MAPKAPK5: variants seen among roughly 807,000 people sequenced by gnomAD.
MAPKAPK5 encodes MAPK activated protein kinase 5, also known as MAP kinase-activated protein kinase 5.
Under a neutral mutation model 65.1 loss-of-function variants are expected in MAPKAPK5, and 30 were observed. The observed-to-expected ratio is 0.46, with a 90% confidence interval of 0.34 to 0.63. The LOEUF is 0.63. Among genes scored for constraint, MAPKAPK5 ranks in the 20% least tolerant of loss-of-function variants. The pLI is 0.01. For synonymous variants in MAPKAPK5, 179 were observed against 204.6 expected (o/e 0.87, Z 1.07); for missense variants, 433 against 581.4 (o/e 0.74, Z 2.63).
At position 111,872,647 on chromosome 12, in the gene MAPKAPK5, G is replaced by A. The variant is rs975944861; in HGVS notation, c.579+1467G>A. Among the ~76,000 whole-genome samples, 4 of 152,138 alleles carry A rather than the reference G, an allele frequency of 2.6e-5. No homozygotes were observed. In the East Asian group the frequency reaches 7.7e-4, roughly 29 times the overall value. On this transcript the variant is annotated intron_variant, in intron 7 of 13. Transcript: ENST00000550735. ...AATGGTACTCAGTGCTATAATCAAG[G>A]TGTCAGCAGGGCTGTGTTCCTTCTG...
chr12:111,842,826 C>G (rs1343960770), intron 1 of MAPKAPK5, 57 bp downstream of exon 1: 3 of 1,272,534 alleles, frequency 2.4e-6, no homozygotes, highest in Admixed American at 7.4e-5. Flanking sequence ...CTTCTCGGCT[C>G]TAGCCTCAAA....
intron 2 of MAPKAPK5, among the ~76,000 whole-genome samples, chr12:111,865,858 AG>A (rs1308277064): frequency 6.9e-5 from 10 of 145,394 alleles, no homozygotes; most frequent in African/African-American, 2.3e-4. Context: ...AAAAAAAAAA[AG>A]GGTGTCGAGA....
chr12:111,880,523 A>G lies in MAPKAPK5; in HGVS notation c.656A>G (p.Asn219Ser). 1 of 1,613,686 alleles carries G rather than the reference A, an allele frequency of 6.2e-7. No homozygotes were observed. The highest frequency in any genetic ancestry group is 8.5e-7 in the Non-Finnish European group (1 of 1,179,636). ...ACCTCACCGACGCCCTACACTTACA[A>G]CAAGGTACAGGAAGAGATATTTCTC... ...IPTSPTPYTYNKSCDLWSLGV... is the reference protein window; with the variant it reads ...IPTSPTPYTYSKSCDLWSLGV... Residue 219 changes from asparagine (N) to serine (S), a missense_variant, in exon 8 of 14, where the codon AAC becomes AGC. Physicochemically the swap from Asn to Ser is conservative, Grantham distance 46. Around this residue, in one of 3 missense-constraint regions of MAPKAPK5, gnomAD observed 99 missense variants for 185.8 expected, o/e 0.53. Transcript: ENST00000550735.
At chr12:111,865,726 C>T (rs1566244243) in intron 2 of MAPKAPK5, among the ~76,000 whole-genome samples, 1 of 150,062 alleles carries the variant, frequency 6.7e-6, no homozygotes, top group Non-Finnish European at 1.5e-5. Flanking sequence ...ATCCCAGCTA[C>T]TCGGGAGGCT....
At position 111,900,820 on chromosome 12, in the gene MAPKAPK5, G is replaced by A. The variant is rs1459241875; in HGVS notation, c.*7759G>A. On this transcript the variant is annotated 3_prime_UTR_variant, in exon 14 of 14. Coordinates refer to ENST00000550735, the MANE Select transcript of MAPKAPK5 (RefSeq NM_003668.4). ...CCCAACAACAGGCATAAGCAAGATG[G>A]CTCAAAATGTCATACAATTTACGAG... 11 of 455,946 alleles carry A rather than the reference G, an allele frequency of 2.4e-5. No homozygotes were observed. In the East Asian group the frequency reaches 6.9e-4, roughly 29 times the overall value. The allele number at this position is 455,946 out of a possible 1,614,324, so 28.2% of individuals were successfully genotyped here.
rs2071023961 is a variant in MAPKAPK5 at position 111,900,888 on chromosome 12, C to T, written c.*7827C>T. On this transcript the variant is annotated 3_prime_UTR_variant, in exon 14 of 14. Coordinates refer to ENST00000550735, the MANE Select transcript of MAPKAPK5 (RefSeq NM_003668.4). Reference sequence around the variant, plus strand: ...TATGGACCCTAATAATCAGTGCTTACAATTATATGGATATGGTGCAAAATC... The same window carrying T: ...TATGGACCCTAATAATCAGTGCTTATAATTATATGGATATGGTGCAAAATC... The T allele has an allele frequency of 2.2e-6, 1 of 455,910 alleles. No homozygotes were observed. The highest frequency in any genetic ancestry group is 4.4e-6 in the Non-Finnish European group (1 of 226,796). 28.2% of individuals were successfully genotyped at this position (455,910 alleles called of 1,614,324 possible). A position where few individuals can be genotyped will look rare whatever the true frequency, so the allele number is the denominator to read the frequency against.
intron 3 of MAPKAPK5, among the ~76,000 whole-genome samples, chr12:111,866,635 G>A (rs2069623024): frequency 6.6e-6 from 1 of 152,250 alleles, no homozygotes. Flanking sequence ...TTGAGACAGA[G>A]TTTCACTCTT....
Position 111,893,193 on chromosome 12 carries a change from C to A in MAPKAPK5, c.*132C>A, listed in dbSNP as rs2070686397. 8.4e-6 allele frequency: 5 copies of A among 598,438 alleles called. No individual in the cohort carries two copies. In the South Asian group the frequency reaches 9.5e-5, roughly 11 times the overall value. 37.1% of individuals were successfully genotyped at this position (598,438 alleles called of 1,614,324 possible). A position where few individuals can be genotyped will look rare whatever the true frequency, so the allele number is the denominator to read the frequency against. On this transcript the variant is annotated 3_prime_UTR_variant, in exon 14 of 14. Transcript: ENST00000550735. ...AAAGCTGCTGTATAGATTTAGGGTGCAGGACTTAATAATAGTATAGTTATT... is the reference window on the plus strand; with the variant it reads ...AAAGCTGCTGTATAGATTTAGGGTGAAGGACTTAATAATAGTATAGTTATT...
At chr12:111,888,702 T>C (rs1271262597) in intron 11 of MAPKAPK5, 84 bp downstream of exon 11, 4 of 1,574,188 alleles carry the variant, frequency 2.5e-6, no homozygotes, top group East Asian at 2.2e-5. Context: ...TTTAACTTGC[T>C]CAGCTAGGGG....
intron 7 of MAPKAPK5, among the ~76,000 whole-genome samples, chr12:111,871,872 C>G (rs1270497120): frequency 1.3e-5 from 2 of 152,216 alleles, no homozygotes; most frequent in Non-Finnish European, 2.9e-5. Context: ...CCCTAGGCAA[C>G]CACTGACATG....
At position 111,899,101 on chromosome 12, in the gene MAPKAPK5, A is replaced by G. The variant is rs998023923; in HGVS notation, c.*6040A>G. On this transcript the variant is annotated 3_prime_UTR_variant, in exon 14 of 14. Transcript: ENST00000550735. Reference sequence around the variant, plus strand: ...CCAGGAGAGAAGCAGGAAGAGAAACACGGCTTGAAGTTCTGTAAGAATCAG... The same window carrying G: ...CCAGGAGAGAAGCAGGAAGAGAAACGCGGCTTGAAGTTCTGTAAGAATCAG... 1.3e-5 allele frequency: 2 copies of G among 152,286 alleles called. No individual in the cohort carries two copies. Among genetic ancestry groups the G allele is most frequent in the East Asian group, 1.9e-4 (1 of 5,206 alleles). The allele number at this position is 152,286 out of a possible 1,614,324, so 9.4% of individuals were successfully genotyped here.
chr12:111,883,239 C>T lies in MAPKAPK5; in HGVS notation c.661-342C>T, dbSNP rs903641190. On this transcript the variant is annotated intron_variant, in intron 8 of 13. Transcript: ENST00000550735. This position sits in a 1 kb window ranked among gnomAD's most constrained non-coding sequence, Gnocchi z 4.8. ...AAAAATACAAAAATTAGCCAGGCGG[C>T]ATGGTGGCACATGCCTGTAATCCCA... 1.3e-5 allele frequency among the ~76,000 whole-genome samples: 2 copies of T among 152,032 alleles called. No individual in the cohort carries two copies. Among genetic ancestry groups the T allele is most frequent in the African/African-American group, 4.8e-5 (2 of 41,386 alleles).
At chr12:111,876,064 G>A (rs768956239) in intron 7 of MAPKAPK5, among the ~76,000 whole-genome samples, 3 of 151,782 alleles carry the variant, frequency 2.0e-5, no homozygotes, top group Middle Eastern at 3.2e-3. Context: ...AATATTAGTC[G>A]GGTGTGGTGG....
At chr12:111,882,875 T>C in intron 8 of MAPKAPK5, 1 of 984,122 alleles carries the variant, frequency 1.0e-6, no homozygotes, top group African/African-American at 1.7e-5. Context: ...TGTCTCTTAG[T>C]TGCTTTGTTT....
chr12:111,866,133 T>G (rs1479297938), intron 2 of MAPKAPK5, 23 bp from the exon 3 acceptor site: 4 of 1,552,376 alleles, frequency 2.6e-6, no homozygotes, highest in African/African-American at 1.4e-5. Context: ...GATCTCTGAT[T>G]GATTTTTTTT....
rs150397531 is a variant in MAPKAPK5, at chr12:111,848,734, C to CT, written c.36+5973dup. Among the ~76,000 whole-genome samples, 7 of 150,752 alleles carry CT rather than the reference C, an allele frequency of 4.6e-5. No homozygotes were observed. The East Asian group carries it at 1.2e-3, about 25-fold the overall frequency. ...CCTCTTTTTGCCCGTTTTAGAATTG[C>CT]TTTTTTTTGTTTTGAGATGGAGTCT... On this transcript the variant is annotated intron_variant, in intron 1 of 13. Transcript: ENST00000550735.
Position 111,895,994 on chromosome 12 carries a change from GCACTTGT to G in MAPKAPK5, c.*2934_*2940del, listed in dbSNP as rs1434322512. 6.6e-6 allele frequency: 1 copy of G among 152,148 alleles called. No homozygotes were observed. Among genetic ancestry groups the G allele is most frequent in the Non-Finnish European group, 1.5e-5 (1 of 68,020 alleles). 9.4% of individuals were successfully genotyped at this position (152,148 alleles called of 1,614,324 possible). On this transcript the variant is annotated 3_prime_UTR_variant, in exon 14 of 14. Transcript: ENST00000550735. ...ATCACTTCTTACAGTTAGGAATACTGCACTTGTTTGTGTAATATTAGAACAACTGTAG... is the reference window on the plus strand; with the variant it reads ...ATCACTTCTTACAGTTAGGAATACTGTTGTGTAATATTAGAACAACTGTAG...
chr12:111,888,373 A>C, intron 10 of MAPKAPK5, 115 bp from the exon 11 acceptor site: 1 of 1,386,104 alleles, frequency 7.2e-7, no homozygotes, highest in Non-Finnish European at 9.8e-7. Context: ...TTCCTTCAGC[A>C]TAAGAGTGAA....
intron 1 of MAPKAPK5, among the ~76,000 whole-genome samples, chr12:111,849,893 C>T (rs2069018906): frequency 6.7e-6 from 1 of 149,372 alleles, no homozygotes; most frequent in Non-Finnish European, 1.5e-5. Context: ...ATTAAAATAA[C>T]TTTTTTTTTT....
Sources: allele counts gnomAD v4.1 joint callset (sites outside exome capture counted in the v4.1 genomes callset), GRCh38; gene constraint gnomAD v4.1.1; regional missense constraint gnomAD v4.1.1; non-coding constraint Gnocchi (gnomAD v3.1); transcripts MANE v1.5; gene names NCBI Gene and HGNC (gene_info 2026-07-23, HGNC 2026-07-21).